SLC24A3: variants seen among roughly 807,000 people sequenced by gnomAD.
SLC24A3 encodes the protein sodium/potassium/calcium exchanger 3.
Under a neutral mutation model 75.8 loss-of-function variants are expected in SLC24A3, and 28 were observed. The ratio of observed to expected loss-of-function variants is 0.37; its 90% confidence interval spans 0.27 to 0.51. The LOEUF is 0.51. Ranked by LOEUF, SLC24A3 falls within the 20% of genes least tolerant of loss-of-function variation. The pLI, the probability that SLC24A3 is intolerant of heterozygous loss-of-function variation, is 0.94. For missense variants in SLC24A3, 663 were observed against 847.8 expected (o/e 0.78, Z 2.71); for synonymous variants, 372 against 334.1 (o/e 1.11, Z -1.24).
chr20:19,230,377 A>G (rs567085081), intron 1 of SLC24A3, among the ~76,000 whole-genome samples: 1 of 152,268 alleles, frequency 6.6e-6, no homozygotes, highest in African/African-American at 2.4e-5. Context: ...TGTAGTTAGA[A>G]TACTGAGGTG....
intron 2 of SLC24A3, among the ~76,000 whole-genome samples, chr20:19,487,809 A>G (rs1187860087): frequency 1.3e-5 from 2 of 152,236 alleles, no homozygotes; most frequent in Non-Finnish European, 2.9e-5. Context: ...TCCCCAAGAT[A>G]CTGATGCCAC....
chr20:19,228,644 CAAA>C (rs974718754), intron 1 of SLC24A3, among the ~76,000 whole-genome samples: 1 of 128,756 alleles, frequency 7.8e-6, no homozygotes, highest in African/African-American at 2.9e-5. Flanking sequence ...GACTCCGTCT[CAAA>C]AAAAAAAAAA....
chr20:19,301,106 G>A (rs1269466401), intron 2 of SLC24A3, among the ~76,000 whole-genome samples: 1 of 152,186 alleles, frequency 6.6e-6, no homozygotes, highest in Non-Finnish European at 1.5e-5. Context: ...CAGTTCCGTG[G>A]AAGGCAGGTC....
intron 2 of SLC24A3, among the ~76,000 whole-genome samples, chr20:19,491,539 G>A (rs1478292739): frequency 6.6e-6 from 1 of 152,090 alleles, no homozygotes; most frequent in African/African-American, 2.4e-5. Flanking sequence ...CCTGGCTTAG[G>A]CCTTTCCAGG....
intron 2 of SLC24A3, among the ~76,000 whole-genome samples, chr20:19,371,257 C>T (rs952697840): frequency 1.3e-5 from 2 of 152,118 alleles, no homozygotes; most frequent in African/African-American, 4.8e-5. Context: ...ATGCTAATTC[C>T]AGGCACTTCT....
At chr20:19,481,568 C>T (rs924382575) in intron 2 of SLC24A3, among the ~76,000 whole-genome samples, 1 of 152,120 alleles carries the variant, frequency 6.6e-6, no homozygotes, top group Non-Finnish European at 1.5e-5. Flanking sequence ...CCTGGAGAAA[C>T]GGTGGTCCCA....
At position 19,696,918 on chromosome 20, in the gene SLC24A3, C is replaced by T; in HGVS notation, c.1606+7C>T. 1 of 1,376,084 alleles carries T rather than the reference C, an allele frequency of 7.3e-7. No homozygotes were observed. The highest frequency in any genetic ancestry group is 9.7e-7 in the Non-Finnish European group (1 of 1,026,292). 85.2% of individuals were successfully genotyped at this position (1,376,084 alleles called of 1,614,324 possible). ...CTCATTGTGGCCAGACAAGGTGGGA[C>T]TTCCAGTGGCAATGGGGAAGGAGGG... On this transcript the variant is annotated splice_region_variant and intron_variant, in intron 14 of 16. Transcript: ENST00000328041.
At chr20:19,350,579 T>C (rs914995323) in intron 2 of SLC24A3, among the ~76,000 whole-genome samples, 2 of 152,236 alleles carry the variant, frequency 1.3e-5, no homozygotes, top group African/African-American at 4.8e-5. Context: ...CAATAGTCAA[T>C]TGTAGCATCA....
At chr20:19,432,580 G>A (rs972930161) in intron 2 of SLC24A3, among the ~76,000 whole-genome samples, 4 of 152,206 alleles carry the variant, frequency 2.6e-5, no homozygotes, top group Non-Finnish European at 5.9e-5. Flanking sequence ...AACAAAAAAA[G>A]CAACAAAAGT....
chr20:19,431,591 C>A (rs1443432407), intron 2 of SLC24A3, among the ~76,000 whole-genome samples: 2 of 152,028 alleles, frequency 1.3e-5, no homozygotes, highest in African/African-American at 4.8e-5. Flanking sequence ...AGCTGCCTTC[C>A]AAACTACTAC....
At chr20:19,301,298 G>C (rs2122246232) in intron 2 of SLC24A3, among the ~76,000 whole-genome samples, 1 of 152,356 alleles carries the variant, frequency 6.6e-6, no homozygotes, top group South Asian at 2.1e-4. Context: ...TAAGGGATTA[G>C]TGAGCAATTA....
intron 2 of SLC24A3, among the ~76,000 whole-genome samples, chr20:19,322,223 T>C (rs1328015406): frequency 6.6e-6 from 1 of 152,148 alleles, no homozygotes; most frequent in Non-Finnish European, 1.5e-5. Flanking sequence ...TCCTAGATCT[T>C]TATTATAGCA....
intron 2 of SLC24A3, among the ~76,000 whole-genome samples, chr20:19,452,032 C>T (rs982498561): frequency 6.6e-6 from 1 of 152,192 alleles, no homozygotes; most frequent in Non-Finnish European, 1.5e-5. Context: ...TTTTCAGAAG[C>T]TCAGACCACA....
intron 6 of SLC24A3, among the ~76,000 whole-genome samples, chr20:19,616,611 G>T (rs2031739906): frequency 6.6e-6 from 1 of 152,154 alleles, no homozygotes; most frequent in Non-Finnish European, 1.5e-5. Flanking sequence ...CTTGGACTAT[G>T]AATGAAAAGT....
chr20:19,231,276 G>A (rs1246143678), intron 1 of SLC24A3, among the ~76,000 whole-genome samples: 1 of 152,204 alleles, frequency 6.6e-6, no homozygotes, highest in Non-Finnish European at 1.5e-5. Context: ...GCAGAATAGT[G>A]CTCCCGAAGA....
At chr20:19,266,372 C>A (rs1983166975) in intron 1 of SLC24A3, among the ~76,000 whole-genome samples, 1 of 152,156 alleles carries the variant, frequency 6.6e-6, no homozygotes, top group South Asian at 2.1e-4. Context: ...GTGTTCCAGT[C>A]AGGATTGTGG....
At chr20:19,535,321 A>G (rs566308955) in intron 3 of SLC24A3, among the ~76,000 whole-genome samples, 1 of 152,086 alleles carries the variant, frequency 6.6e-6, no homozygotes, top group African/African-American at 2.4e-5. Context: ...TGCCTTTCTC[A>G]TGTTTCTGTA....
chr20:19,665,269 G>T (rs755452025), intron 7 of SLC24A3, among the ~76,000 whole-genome samples: 1 of 152,156 alleles, frequency 6.6e-6, no homozygotes, highest in African/African-American at 2.4e-5. Flanking sequence ...ACCATTTGTT[G>T]TTAATGCACT....
At chr20:19,294,973 T>C (rs1373882649) in intron 2 of SLC24A3, among the ~76,000 whole-genome samples, 1 of 152,160 alleles carries the variant, frequency 6.6e-6, no homozygotes, top group Non-Finnish European at 1.5e-5. Context: ...AGCTGTTGTT[T>C]CTTAACTTTT....
Sources: gnomAD v4.1 joint callset for allele counts (sites outside exome capture counted in the v4.1 genomes callset) on GRCh38, gnomAD v4.1.1 for gene constraint, MANE v1.5 for transcripts, NCBI Gene and HGNC (gene_info 2026-07-23, HGNC 2026-07-21) for gene names.